Variants in HECW1 observed in about 807,000 individuals in gnomAD.
The protein encoded by HECW1 is E3 ubiquitin-protein ligase HECW1.
HECW1 carries 61 observed loss-of-function variants against 182.3 expected under a neutral mutation model. That is an observed-to-expected ratio of 0.33 (90% CI 0.27 to 0.41). The LOEUF (loss-of-function observed/expected upper bound fraction) is 0.41. Among genes scored for constraint, HECW1 ranks in the 10% least tolerant of loss-of-function variants. HECW1 has a pLI of 1.00. For missense variants in HECW1, 1,739 were observed against 2,108.9 expected (o/e 0.82, Z 3.44); for synonymous variants, 859 against 832.6 (o/e 1.03, Z -0.55).
chr7:43,172,094 G>A (rs6957081), intron 2 of HECW1, among the ~76,000 whole-genome samples: 44,932 of 147,990 alleles, frequency 0.3, 6,865 homozygotes, highest in Admixed American at 0.34. Flanking sequence ...CCTGGCCAAC[G>A]TGATAAGACT....
At chr7:43,272,330 A>G (rs1381912513) in intron 3 of HECW1, among the ~76,000 whole-genome samples, 1 of 152,214 alleles carries the variant, frequency 6.6e-6, no homozygotes, top group East Asian at 1.9e-4. Context: ...AAAGTTGACA[A>G]GTGGAACCTA....
At chr7:43,363,825 C>A (rs1467111597) in intron 6 of HECW1, among the ~76,000 whole-genome samples, 1 of 152,216 alleles carries the variant, frequency 6.6e-6, no homozygotes, top group East Asian at 1.9e-4. Flanking sequence ...AACTACCCTT[C>A]TGGTTAAGTG....
chr7:43,433,584 A>G (rs951714785), intron 8 of HECW1, among the ~76,000 whole-genome samples: 3 of 152,224 alleles, frequency 2.0e-5, no homozygotes, highest in Non-Finnish European at 1.5e-5. Flanking sequence ...GGAATACCAT[A>G]TGCATCATTC....
At position 43,354,351 on chromosome 7, in the gene HECW1, C is replaced by T. The variant is rs116247620; in HGVS notation, c.461-6535C>T. On this transcript the variant is annotated intron_variant, in intron 5 of 29. Transcript: ENST00000395891. Reference sequence around the variant, plus strand: ...GATTGACCCCAATGAGACAGCAATACGTGTACTCTCTAACAACTGAAAAAT... The same window carrying T: ...GATTGACCCCAATGAGACAGCAATATGTGTACTCTCTAACAACTGAAAAAT... Among the ~76,000 whole-genome samples the T allele has an allele frequency of 6.8e-3, 1,029 of 152,156 alleles. 8 individuals carry two copies. The highest frequency in any genetic ancestry group is 0.024 in the African/African-American group (995 of 41,514).
chr7:43,352,677 G>T (rs1443229774), intron 5 of HECW1, among the ~76,000 whole-genome samples: 1 of 152,142 alleles, frequency 6.6e-6, no homozygotes, highest in Non-Finnish European at 1.5e-5. Flanking sequence ...CATTTACTGA[G>T]GTCTGATTAT....
At chr7:43,445,657 G>C (rs1322121726) in intron 11 of HECW1, 87 bp downstream of exon 11, 16 of 1,436,708 alleles carry the variant, frequency 1.1e-5, no homozygotes, top group Non-Finnish European at 1.5e-5. Context: ...GAAGGGCGGG[G>C]GATCGGTGTC....
At chr7:43,313,146 C>T (rs538797588) in intron 4 of HECW1, among the ~76,000 whole-genome samples, 2 of 151,964 alleles carry the variant, frequency 1.3e-5, no homozygotes, top group African/African-American at 4.8e-5. Flanking sequence ...TTGGTTAGTG[C>T]GTTTATAATA....
chr7:43,225,354 C>T (rs1253674542), intron 2 of HECW1, among the ~76,000 whole-genome samples: 1 of 152,168 alleles, frequency 6.6e-6, no homozygotes, highest in Non-Finnish European at 1.5e-5. Flanking sequence ...GAAGGCCCCA[C>T]CTAGCAAAGT....
chr7:43,405,988 C>T (rs1476925805), intron 7 of HECW1, among the ~76,000 whole-genome samples: 1 of 152,206 alleles, frequency 6.6e-6, no homozygotes, highest in Non-Finnish European at 1.5e-5. Flanking sequence ...TCTGATCACC[C>T]CCCAGTCTTG....
chr7:43,552,182 G>T (rs1305736863), intron 27 of HECW1, 40 bp from the exon 28 acceptor site: 1 of 1,207,350 alleles, frequency 8.3e-7, no homozygotes, highest in East Asian at 2.3e-5. Flanking sequence ...GCCTTTCCAT[G>T]TGTTTGGACC....
At chr7:43,506,924 G>T (rs1020782831) in intron 21 of HECW1, among the ~76,000 whole-genome samples, 1 of 152,086 alleles carries the variant, frequency 6.6e-6, no homozygotes, top group African/African-American at 2.4e-5. Context: ...AAAAAAATCA[G>T]CCAGGTATGG....
chr7:43,464,660 T>C (rs568956297), intron 14 of HECW1, among the ~76,000 whole-genome samples: 87 of 152,356 alleles, frequency 5.7e-4, no homozygotes, highest in Non-Finnish European at 1.1e-3. Context: ...AGGTCTTAGC[T>C]GTCTACAGCA....
chr7:43,336,343 A>T (rs116835837), intron 5 of HECW1, among the ~76,000 whole-genome samples: 6,783 of 151,276 alleles, frequency 0.045, 511 homozygotes, highest in African/African-American at 0.15. Context: ...TTAAAAAAAA[A>T]TTTTTTTTAG....
intron 4 of HECW1, among the ~76,000 whole-genome samples, chr7:43,318,288 G>A (rs1809596177): frequency 6.6e-6 from 1 of 152,198 alleles, no homozygotes; most frequent in African/African-American, 2.4e-5. Context: ...CTCTGCTGAA[G>A]ACCCAGGGAG....
intron 3 of HECW1, among the ~76,000 whole-genome samples, chr7:43,265,627 C>T (rs1317226084): frequency 6.6e-6 from 1 of 152,184 alleles, no homozygotes; most frequent in African/African-American, 2.4e-5. Context: ...GTCTTCCACA[C>T]TAATTCTCCA....
intron 24 of HECW1, chr7:43,512,069 G>A (rs1256850784): frequency 3.6e-5 from 8 of 219,188 alleles, no homozygotes; most frequent in Admixed American, 5.8e-5. Context: ...ATCTCGGGTC[G>A]GTGTCAGGTG....
intron 14 of HECW1, 148 bp downstream of exon 14, chr7:43,463,947 G>C: frequency 1.2e-6 from 1 of 839,236 alleles, no homozygotes; most frequent in East Asian, 2.6e-5. Context: ...AGGCATGCCT[G>C]GTGCCCGCAA....
intron 3 of HECW1, among the ~76,000 whole-genome samples, chr7:43,293,215 G>A (rs1297884581): frequency 7.5e-5 from 7 of 93,066 alleles, no homozygotes; most frequent in African/African-American, 5.4e-4. Flanking sequence ...GCGAGACTAT[G>A]TCTCAAAAAA....
At chr7:43,164,416 TG>T (rs1261132834) in intron 2 of HECW1, among the ~76,000 whole-genome samples, 15 of 152,238 alleles carry the variant, frequency 9.9e-5, no homozygotes, top group Non-Finnish European at 2.9e-5. Context: ...TGGGGCCTCC[TG>T]GGGGAAGATT....
Sources: allele counts gnomAD v4.1 joint callset (sites outside exome capture counted in the v4.1 genomes callset), GRCh38; gene constraint gnomAD v4.1.1; transcripts MANE v1.5; gene names NCBI Gene and HGNC (gene_info 2026-07-23, HGNC 2026-07-21).